The following WDR25 variants were observed in gnomAD, a reference collection of about 807,000 sequenced individuals.
WDR25 encodes the protein WD repeat domain 25.
WDR25 carries 35 observed loss-of-function variants against 47.7 expected under a neutral mutation model. The ratio of observed to expected loss-of-function variants is 0.73; its 90% CI spans 0.56 to 0.97. WDR25 has a LOEUF of 0.97. Ranked by LOEUF, WDR25 falls within the 50% of genes least tolerant of loss-of-function variation. WDR25 has a pLI of 0.00. For synonymous variants in WDR25, 248 were observed against 278.9 expected (o/e 0.89, Z 1.10); for missense variants, 634 against 704.7 (o/e 0.90, Z 1.14).
chr14:100,431,107 A>T (rs916135489), intron 2 of WDR25, among the ~76,000 whole-genome samples: 1 of 152,210 alleles, frequency 6.6e-6, no homozygotes, highest in Non-Finnish European at 1.5e-5. Context: ...GACATTTATT[A>T]TGAAGTGTGT....
At chr14:100,464,626 C>T (rs934879668) in intron 2 of WDR25, among the ~76,000 whole-genome samples, 1 of 151,726 alleles carries the variant, frequency 6.6e-6, no homozygotes, top group Non-Finnish European at 1.5e-5. Flanking sequence ...CTCCCACACC[C>T]CATCGCATCA....
At chr14:100,492,773 C>T (rs1003418627) in intron 4 of WDR25, among the ~76,000 whole-genome samples, 2 of 152,078 alleles carry the variant, frequency 1.3e-5, no homozygotes, top group Non-Finnish European at 2.9e-5. Flanking sequence ...AAGTCATGGG[C>T]TTGATGCCTT....
intron 4 of WDR25, among the ~76,000 whole-genome samples, chr14:100,517,100 T>G (rs1901524925): frequency 7.1e-6 from 1 of 141,444 alleles, no homozygotes. Flanking sequence ...CTGACATATC[T>G]CCTCTGTTTT....
intron 4 of WDR25, among the ~76,000 whole-genome samples, chr14:100,508,866 T>C (rs1437890164): frequency 6.6e-6 from 1 of 152,210 alleles, no homozygotes; most frequent in Non-Finnish European, 1.5e-5. Flanking sequence ...TCTATATGTT[T>C]TCCTATGTTC....
At chr14:100,418,453 G>A (rs1897932015) in intron 2 of WDR25, among the ~76,000 whole-genome samples, 1 of 151,632 alleles carries the variant, frequency 6.6e-6, no homozygotes, top group Non-Finnish European at 1.5e-5. Context: ...CCAACACGGT[G>A]AAACCCCTTC....
intron 3 of WDR25, among the ~76,000 whole-genome samples, chr14:100,470,125 G>A (rs1899779153): frequency 6.6e-6 from 1 of 152,198 alleles, no homozygotes; most frequent in Admixed American, 6.5e-5. Flanking sequence ...CAGATTAGGT[G>A]GACAGAGAAT....
chr14:100,394,751 G>A (rs1218506229), intron 2 of WDR25, among the ~76,000 whole-genome samples: 4 of 152,204 alleles, frequency 2.6e-5, no homozygotes, highest in African/African-American at 9.7e-5. Context: ...GGAAGGACGA[G>A]TTGGGTCTTA....
chr14:100,465,446 G>T (rs1424212210), intron 2 of WDR25, among the ~76,000 whole-genome samples: 1 of 152,026 alleles, frequency 6.6e-6, no homozygotes, highest in Non-Finnish European at 1.5e-5. Flanking sequence ...TCATATAAGT[G>T]CAGTTATATA....
chr14:100,396,132 A>G (rs2140162193), intron 2 of WDR25, among the ~76,000 whole-genome samples: 1 of 151,460 alleles, frequency 6.6e-6, no homozygotes, highest in South Asian at 2.1e-4. Flanking sequence ...GCCCACCACC[A>G]CGCCCGGCTA....
chr14:100,423,450 G>A (rs1898082453), intron 2 of WDR25, among the ~76,000 whole-genome samples: 1 of 152,156 alleles, frequency 6.6e-6, no homozygotes, highest in Admixed American at 6.5e-5. Context: ...GTACTGTGAG[G>A]TTGTAGAGGA....
At chr14:100,454,350 G>T in intron 2 of WDR25, 1 of 1,284,836 alleles carries the variant, frequency 7.8e-7, no homozygotes, top group Admixed American at 2.3e-5. Flanking sequence ...GGGTAATGGA[G>T]TATGTGTATG....
At chr14:100,405,960 C>A (rs763854115) in intron 2 of WDR25, among the ~76,000 whole-genome samples, 10 of 152,164 alleles carry the variant, frequency 6.6e-5, no homozygotes, top group Non-Finnish European at 1.5e-4. Flanking sequence ...GCAATCAATC[C>A]GTTTCTTGAC....
At chr14:100,517,703 G>A (rs1901551714) in intron 4 of WDR25, among the ~76,000 whole-genome samples, 2 of 152,150 alleles carry the variant, frequency 1.3e-5, no homozygotes, top group African/African-American at 2.4e-5. Flanking sequence ...AATTAGCCGG[G>A]CGTGGTGGCA....
chr14:100,414,232 G>C (rs544206877), intron 2 of WDR25, among the ~76,000 whole-genome samples: 3 of 150,790 alleles, frequency 2.0e-5, no homozygotes, highest in Non-Finnish European at 4.4e-5. Flanking sequence ...TCCTGACCTC[G>C]TGATCCGCCT....
At chr14:100,408,181 C>T (rs1317849950) in intron 2 of WDR25, among the ~76,000 whole-genome samples, 1 of 152,046 alleles carries the variant, frequency 6.6e-6, no homozygotes, top group Non-Finnish European at 1.5e-5. Flanking sequence ...GAGAGAAAAA[C>T]CCTAAGGAGA....
chr14:100,395,444 C>T (rs989418432), intron 2 of WDR25, among the ~76,000 whole-genome samples: 5 of 152,306 alleles, frequency 3.3e-5, no homozygotes, highest in Non-Finnish European at 4.4e-5. Context: ...CATCAGCATC[C>T]GTATGCCCCC....
At chr14:100,458,322 A>G (rs1377342077) in intron 2 of WDR25, among the ~76,000 whole-genome samples, 1 of 152,240 alleles carries the variant, frequency 6.6e-6, no homozygotes, top group Non-Finnish European at 1.5e-5. Flanking sequence ...TCATCAAAGG[A>G]CATAACATTA....
At chr14:100,399,586 ACAGGCCAGTGAAGCTGTTG>A (rs1201799251) in intron 2 of WDR25, among the ~76,000 whole-genome samples, 2 of 152,028 alleles carry the variant, frequency 1.3e-5, no homozygotes, top group African/African-American at 4.8e-5. Flanking sequence ...TTTCCCTGCA[ACAGGCCAGTGAAGCTGTTG>A]CCACGGAAAC....
intron 2 of WDR25, among the ~76,000 whole-genome samples, chr14:100,448,357 A>G (rs1008738727): frequency 6.6e-6 from 1 of 152,202 alleles, no homozygotes; most frequent in South Asian, 2.1e-4. Flanking sequence ...CCTGTGCTTG[A>G]GTGCAAGGAT....
Sources: gnomAD v4.1 joint callset for allele counts (sites outside exome capture counted in the v4.1 genomes callset) on GRCh38, gnomAD v4.1.1 for gene constraint, MANE v1.5 for transcripts, NCBI Gene and HGNC (gene_info 2026-07-23, HGNC 2026-07-21) for gene names.